Variants in NEIL2 observed in about 807,000 individuals in gnomAD.
The protein encoded by NEIL2 is endonuclease 8-like 2.
In NEIL2, 23 loss-of-function variants were observed where a neutral mutation model predicts 22.2. The observed-to-expected ratio is 1.04, with a 90% CI of 0.75 to 1.47. NEIL2 has a LOEUF of 1.47. Ranked by LOEUF, NEIL2 falls within the 40% of genes most tolerant of loss-of-function variation. The probability of loss-of-function intolerance (pLI) is 0.00; values close to 1 mark genes in which losing one functional copy is unlikely to be tolerated. For missense variants in NEIL2, 583 were observed against 404.7 expected, an observed-to-expected ratio of 1.44 and a Z score of -3.78; for synonymous variants, 229 against 164.8, an observed-to-expected ratio of 1.39 and a Z score of -2.99.
At position 11,786,063 on chromosome 8, in the gene NEIL2, C is replaced by G; in HGVS notation, c.789C>G (p.His263Gln). 7.4e-6 allele frequency: 12 copies of G among 1,614,142 alleles called. No homozygotes were observed. Among genetic ancestry groups the G allele is most frequent in the African/African-American group, 1.3e-5 (1 of 75,020 alleles). Residue 263 changes from histidine (H) to glutamine (Q), a missense_variant, in exon 5 of 5, where the codon CAC (histidine) becomes CAG (glutamine). Transcript: ENST00000284503. ...CGCGTCGGGAGGTCCTGGTGGATCA[C>G]GTGGTGGAGTTCAGTACAGCCTGGC... ...SASRREVLVD[H>Q]VVEFSTAWLQ...
At position 11,786,038 on chromosome 8, in the gene NEIL2, C is replaced by T. The variant is rs1305259695; in HGVS notation, c.764C>T (p.Ser255Leu). 1.1e-5 allele frequency: 17 copies of T among 1,614,106 alleles called. No homozygotes were observed. Among genetic ancestry groups the T allele is most frequent in the East Asian group, 2.2e-5 (1 of 44,884 alleles). Reference protein sequence around the residue: ...PLSLGSVLSASRREVLVDHVV... With the variant: ...PLSLGSVLSALRREVLVDHVV... Reference sequence around the variant, plus strand: ...TCTCTCGGTTCAGTCCTGAGTGCCTCGCGTCGGGAGGTCCTGGTGGATCAC... The same window carrying T: ...TCTCTCGGTTCAGTCCTGAGTGCCTTGCGTCGGGAGGTCCTGGTGGATCAC... The change falls in exon 5 of 5, where the codon TCG becomes TTG. Residue 255 changes from serine (S) to leucine (L), a missense_variant. Physicochemically the swap from Ser to Leu is moderately radical, Grantham distance 145 (BLOSUM62 -2). Transcript: ENST00000284503.
At chr8:11,783,684 G>A (rs904039983) in intron 4 of NEIL2, among the ~76,000 whole-genome samples, 3 of 152,218 alleles carry the variant, frequency 2.0e-5, no homozygotes, top group African/African-American at 7.2e-5. Context: ...AAAGGGTGGG[G>A]TCATGTCTCC....
intron 2 of NEIL2, among the ~76,000 whole-genome samples, chr8:11,778,888 G>T (rs1246641756): frequency 1.4e-5 from 2 of 140,380 alleles, no homozygotes; most frequent in African/African-American, 2.6e-5. Flanking sequence ...GGAGATGGAG[G>T]CTGCAGTGAG....
chr8:11,773,757 C>T (rs1232781915), intron 2 of NEIL2, among the ~76,000 whole-genome samples: 1 of 152,140 alleles, frequency 6.6e-6, no homozygotes, highest in Non-Finnish European at 1.5e-5. Flanking sequence ...CTGGCACATC[C>T]TTTTCTTGTC....
chr8:11,770,442 G>T (rs1803339234), intron 1 of NEIL2, 107 bp downstream of exon 1: 1 of 152,162 alleles, frequency 6.6e-6, no homozygotes, highest in Non-Finnish European at 1.5e-5. Context: ...TCAGCGAATC[G>T]GCACCAGCGA....
intron 2 of NEIL2, 41 bp from the exon 3 acceptor site, chr8:11,779,557 T>C: frequency 6.9e-7 from 1 of 1,458,448 alleles, no homozygotes; most frequent in Non-Finnish European, 9.6e-7. Context: ...AGTTCCCCTC[T>C]CTGGGTCTGT....
In NEIL2 at chr8:11,783,372, C is replaced by G; in HGVS notation, c.661C>G (p.Leu221Val). Residue 221 changes from leucine to valine, a missense_variant, in exon 4 of 5, where the codon CTG becomes GTG. Coordinates refer to ENST00000284503, the MANE Select transcript of NEIL2 (RefSeq NM_145043.4). ...GGCTCAGCCTGTCTGCTATACACTG[C>G]TGGACCAGAGATACTTCTCAGGGCT... ...GQAQPVCYTL[L>V]DQRYFSGLGN... The G allele has an allele frequency of 6.2e-7, 1 of 1,614,142 alleles. No homozygotes were observed. The highest frequency in any genetic ancestry group is 8.5e-7 in the Non-Finnish European group (1 of 1,179,972).
At chr8:11,777,229 G>A (rs976451767) in intron 2 of NEIL2, among the ~76,000 whole-genome samples, 9 of 151,794 alleles carry the variant, frequency 5.9e-5, no homozygotes, top group African/African-American at 2.2e-4. Context: ...CTGGGCTCAA[G>A]CAATCCTCTC....
At chr8:11,785,936 C>A in intron 4 of NEIL2, 27 bp from the exon 5 acceptor site, 1 of 1,608,280 alleles carries the variant, frequency 6.2e-7, no homozygotes, top group South Asian at 1.1e-5. Flanking sequence ...CTTTGTCCTT[C>A]CCTTACCTTC....
rs147850029 is a variant in NEIL2, at chr8:11,779,707, C to T, written c.248C>T (p.Ala83Val). ...PPQKEVQKEG[A>V]ADPKQVGEPS... ...CAAAAAGAAGTGCAGAAGGAAGGGG[C>T]TGCGGACCCAAAGCAGGTCGGGGAG... Residue 83 changes from alanine (A) to valine (V), a missense_variant, in exon 3 of 5, where the codon GCT becomes GTT. Coordinates refer to ENST00000284503, the MANE Select transcript of NEIL2 (RefSeq NM_145043.4). The T allele has an allele frequency of 5.6e-6, 9 of 1,614,184 alleles. No individual in the cohort carries two copies. The highest frequency in any genetic ancestry group is 1.3e-5 in the African/African-American group (1 of 75,066).
intron 2 of NEIL2, among the ~76,000 whole-genome samples, chr8:11,776,995 A>G (rs8191592): frequency 0.042 from 6,376 of 152,120 alleles, 328 homozygotes; most frequent in East Asian, 0.21. Context: ...GTTCCAGTGT[A>G]GGGTTTCCAC....
At chr8:11,775,559 T>C (rs552674843) in intron 2 of NEIL2, among the ~76,000 whole-genome samples, 1 of 152,364 alleles carries the variant, frequency 6.6e-6, no homozygotes, top group South Asian at 2.1e-4. Context: ...TAGTTACTTA[T>C]GCAAATTTCT....
chr8:11,775,978 C>T (rs1803873642), intron 2 of NEIL2, among the ~76,000 whole-genome samples: 1 of 152,210 alleles, frequency 6.6e-6, no homozygotes, highest in South Asian at 2.1e-4. Context: ...CTGCCTGTTA[C>T]CCAGTTCCAA....
intron 4 of NEIL2, 133 bp from the exon 5 acceptor site, chr8:11,785,830 G>C (rs2130552083): frequency 1.2e-6 from 1 of 807,812 alleles, no homozygotes; most frequent in Non-Finnish European, 2.2e-6. Context: ...GAGAAATGGA[G>C]TCAGAGATCG....
intron 2 of NEIL2, 53 bp from the exon 3 acceptor site, chr8:11,779,545 C>T (rs1417895775): frequency 3.7e-6 from 5 of 1,357,036 alleles, no homozygotes; most frequent in Admixed American, 1.7e-5. Flanking sequence ...TCCGCATTCC[C>T]CAGTTCCCCT....
chr8:11,771,638 C>T (rs774743285), intron 2 of NEIL2, 53 bp downstream of exon 2: 11 of 1,570,536 alleles, frequency 7.0e-6, no homozygotes, highest in African/African-American at 1.4e-5. Context: ...CTGCGCCTCC[C>T]CTAGGATCTA....
intron 4 of NEIL2, among the ~76,000 whole-genome samples, chr8:11,784,221 A>G (rs1365403583): frequency 1.3e-5 from 2 of 152,174 alleles, no homozygotes; most frequent in Non-Finnish European, 2.9e-5. Flanking sequence ...TTTTCATGTT[A>G]GGACCATGGG....
chr8:11,776,606 G>A (rs753397956), intron 2 of NEIL2, among the ~76,000 whole-genome samples: 1 of 152,154 alleles, frequency 6.6e-6, no homozygotes, highest in Non-Finnish European at 1.5e-5. Context: ...CTTTTTTAGT[G>A]TCTTCTGTAG....
intron 3 of NEIL2, among the ~76,000 whole-genome samples, chr8:11,780,879 G>A (rs1488545416): frequency 6.6e-6 from 1 of 152,158 alleles, no homozygotes; most frequent in Non-Finnish European, 1.5e-5. Flanking sequence ...TAGGTCGTTT[G>A]TGTACTTCTT....
Sources: gnomAD v4.1 joint callset for allele counts (sites outside exome capture counted in the v4.1 genomes callset) on GRCh38, gnomAD v4.1.1 for gene constraint, MANE v1.5 for transcripts, NCBI Gene and HGNC (gene_info 2026-07-23, HGNC 2026-07-21) for gene names.